The following FGL1 variants were observed in gnomAD, a reference collection of about 807,000 sequenced individuals.
The protein encoded by FGL1 is fibrinogen like 1, also known as fibrinogen-like protein 1.
In FGL1, 59 loss-of-function variants were observed where a neutral mutation model predicts 43.7. That is an observed-to-expected ratio of 1.35 (90% CI 1.10 to 1.68). FGL1 has a LOEUF of 1.68. Ranked by LOEUF, FGL1 falls within the 40% of genes most tolerant of loss-of-function variation. The pLI is 0.00. For synonymous variants in FGL1, 192 were observed against 126.5 expected (o/e 1.52, Z -3.48); for missense variants, 596 against 373.0 (o/e 1.60, Z -4.92).
chr8:17,865,077 C>T lies in FGL1; in HGVS notation c.780-326G>A, dbSNP rs567894842. On this transcript the variant is annotated intron_variant, in intron 7 of 7. Coordinates refer to ENST00000427924, the MANE Select transcript of FGL1 (RefSeq NM_004467.4). Reference sequence around the variant, plus strand: ...CTGGGATAACAGGTGTGAGCCACTGCGCCTGGCCTCAGAGATGGGTATTTT... The same window carrying T: ...CTGGGATAACAGGTGTGAGCCACTGTGCCTGGCCTCAGAGATGGGTATTTT... Among the ~76,000 whole-genome samples, 7 of 152,142 alleles carry T rather than the reference C, an allele frequency of 4.6e-5. No individual in the cohort carries two copies. In the East Asian group the frequency reaches 7.7e-4, roughly 17 times the overall value.
At chr8:17,887,005 C>G (rs534487998) in intron 1 of FGL1, among the ~76,000 whole-genome samples, 7 of 152,166 alleles carry the variant, frequency 4.6e-5, no homozygotes, top group Admixed American at 4.6e-4. Flanking sequence ...GCTTCTCGTA[C>G]CCTTTCAGAA....
rs200437210 is a variant in FGL1 at position 17,883,941 on chromosome 8, CCCTT to C, written c.63+1547_63+1550del. On this transcript the variant is annotated intron_variant, in intron 2 of 7. Coordinates refer to ENST00000427924, the MANE Select transcript of FGL1 (RefSeq NM_004467.4). The stretch of plus-strand genomic sequence containing the variant: ...TCTCTTTCTCCTTCCCTCCTTCCCT[CCCTT>C]CCTTCCTTCCTTTCTTTTCTTTCCT... 1.1e-3 allele frequency among the ~76,000 whole-genome samples: 163 copies of C among 144,766 alleles called. 1 individual carries two copies. The highest frequency in any genetic ancestry group is 3.6e-3 in the African/African-American group (142 of 38,974). 95.0% of individuals were successfully genotyped at this position (144,766 alleles called of 152,430 possible).
At chr8:17,869,151 T>C (rs2053318342) in intron 5 of FGL1, 147 bp from the exon 6 acceptor site, 11 of 523,294 alleles carry the variant, frequency 2.1e-5, no homozygotes, top group Non-Finnish European at 3.1e-5. Context: ...AGTGACTCCT[T>C]TGTATATATA....
chr8:17,877,142 CGAT>C (rs950491996), intron 3 of FGL1, among the ~76,000 whole-genome samples: 1 of 151,296 alleles, frequency 6.6e-6, no homozygotes, highest in African/African-American at 2.4e-5. Flanking sequence ...ATATTTAAAA[CGAT>C]GATTTTCAAA....
chr8:17,867,306 A>G (rs1474179521), intron 7 of FGL1, among the ~76,000 whole-genome samples: 1 of 152,196 alleles, frequency 6.6e-6, no homozygotes, highest in Admixed American at 6.5e-5. Context: ...CATGATATAG[A>G]TTCAAAAGAA....
chr8:17,872,024 T>G (rs1388878501), intron 5 of FGL1, among the ~76,000 whole-genome samples: 1 of 152,152 alleles, frequency 6.6e-6, no homozygotes, highest in African/African-American at 2.4e-5. Flanking sequence ...CAGAAGTTGG[T>G]ATGGCAAATT....
At chr8:17,881,548 T>G (rs1011239572) in intron 3 of FGL1, among the ~76,000 whole-genome samples, 2 of 149,898 alleles carry the variant, frequency 1.3e-5, no homozygotes, top group South Asian at 4.2e-4. Flanking sequence ...AAAAGTAAAG[T>G]GTCGGCTGGG....
chr8:17,888,589 G>A (rs2053662186), intron 1 of FGL1, among the ~76,000 whole-genome samples: 1 of 152,140 alleles, frequency 6.6e-6, no homozygotes, highest in African/African-American at 2.4e-5. Flanking sequence ...GATCCTGGGG[G>A]TAGTTTCATG....
intron 1 of FGL1, among the ~76,000 whole-genome samples, chr8:17,887,232 G>A (rs549522498): frequency 1.3e-4 from 20 of 152,242 alleles, no homozygotes; most frequent in East Asian, 3.9e-4. Context: ...GAGCTTCACC[G>A]AAAAGATCTT....
rs192788589 is a variant in FGL1, at chr8:17,887,569, G to T, written c.-17-1998C>A. ...ACTGTGAACAAAATAACCAAGATGG[G>T]CCGGGCGTGTTGGCTCACACCTGTA... On this transcript the variant is annotated intron_variant, in intron 1 of 7. Coordinates refer to ENST00000427924, the MANE Select transcript of FGL1 (RefSeq NM_004467.4). Among the ~76,000 whole-genome samples the T allele has an allele frequency of 6.6e-5, 10 of 152,244 alleles. No individual in the cohort carries two copies. The East Asian group carries it at 1.5e-3, about 23-fold the overall frequency.
chr8:17,894,369 C>G (rs1239929494), intron 1 of FGL1, among the ~76,000 whole-genome samples: 1 of 147,002 alleles, frequency 6.8e-6, no homozygotes, highest in Non-Finnish European at 1.5e-5. Flanking sequence ...TAAACACAAG[C>G]TTAGAGACTC....
At chr8:17,881,320 A>G (rs1263965372) in intron 3 of FGL1, among the ~76,000 whole-genome samples, 1 of 151,620 alleles carries the variant, frequency 6.6e-6, no homozygotes, top group Non-Finnish European at 1.5e-5. Flanking sequence ...TATTTTTAGT[A>G]GAGATGGGGT....
At chr8:17,874,177 AC>A in intron 4 of FGL1, 61 bp from the exon 5 acceptor site, 1 of 1,425,622 alleles carries the variant, frequency 7.0e-7, no homozygotes, top group East Asian at 2.3e-5. Flanking sequence ...CAAAGCGACC[AC>A]CACCCACCCC....
intron 3 of FGL1, among the ~76,000 whole-genome samples, chr8:17,879,031 G>GTTTATAT (rs3988376): frequency 0.72 from 108,280 of 149,668 alleles, 39,716 homozygotes; most frequent in Non-Finnish European, 0.79. Flanking sequence ...ATTGAACTGT[G>GTTTATAT]TTTATATTTT....
rs7831619 is a variant in FGL1, at chr8:17,876,830, A to C, written c.245-2309T>G. Among the ~76,000 whole-genome samples, 1,044 of 152,252 alleles carry C rather than the reference A, an allele frequency of 6.9e-3. 13 individuals carry two copies. Among genetic ancestry groups the C allele is most frequent in the African/African-American group, 0.022 (922 of 41,560 alleles). On this transcript the variant is annotated intron_variant, in intron 3 of 7. Transcript: ENST00000427924. ...TAGTGAATATAGAGGTTTCAGCCAA[A>C]ATTTTCTACTTGTTATTATTTTATG...
At position 17,869,823 on chromosome 8, in the gene FGL1, C is replaced by T. The variant is rs35017647; in HGVS notation, c.503-819G>A. Among the ~76,000 whole-genome samples the T allele has an allele frequency of 6.9e-3, 1,058 of 152,258 alleles. 10 individuals are homozygous for T. The highest frequency in any genetic ancestry group is 0.024 in the African/African-American group (999 of 41,544). The stretch of plus-strand genomic sequence containing the variant: ...TACATGTGAAAGCATTTTAAGAATG[C>T]AATGGGGCCGGGGCGGTGGCTCACG... On this transcript the variant is annotated intron_variant, in intron 5 of 7. Transcript: ENST00000427924.
intron 1 of FGL1, 173 bp downstream of exon 1, chr8:17,895,274 A>T (rs962665810): frequency 2.0e-6 from 2 of 1,020,884 alleles, no homozygotes; most frequent in Non-Finnish European, 2.4e-6. Context: ...GTAACAAAAG[A>T]TACATAATTC....
chr8:17,888,416 A>G (rs989985784), intron 1 of FGL1, among the ~76,000 whole-genome samples: 6 of 152,314 alleles, frequency 3.9e-5, no homozygotes, highest in East Asian at 3.9e-4. Flanking sequence ...TTAAGATAAA[A>G]ACATTGACTG....
chr8:17,889,535 G>A (rs990268760), intron 1 of FGL1, among the ~76,000 whole-genome samples: 6 of 152,148 alleles, frequency 3.9e-5, no homozygotes, highest in African/African-American at 1.2e-4. Context: ...GGGTGACAGA[G>A]CGACACTCCA....
Sources: gnomAD v4.1 joint callset for allele counts (sites outside exome capture counted in the v4.1 genomes callset) on GRCh38, gnomAD v4.1.1 for gene constraint, MANE v1.5 for transcripts, NCBI Gene and HGNC (gene_info 2026-07-23, HGNC 2026-07-21) for gene names.